FMN1: variants seen among roughly 807,000 people sequenced by gnomAD.
FMN1 encodes the protein formin 1.
In FMN1, 110 loss-of-function variants were observed where a neutral mutation model predicts 132.4. The observed-to-expected ratio is 0.83, with a 90% CI of 0.71 to 0.97. The LOEUF (loss-of-function observed/expected upper bound fraction) is 0.97, where lower values mean the gene tolerates loss of function less well. Among genes scored for constraint, FMN1 ranks in the 50% least tolerant of loss-of-function variants. The pLI, the probability that FMN1 is intolerant of heterozygous loss-of-function variation, is 0.00. For missense variants in FMN1, 1,792 were observed against 1,705.3 expected (o/e 1.05, Z -0.90); for synonymous variants, 722 against 651.7 (o/e 1.11, Z -1.64).
intron 9 of FMN1, among the ~76,000 whole-genome samples, chr15:32,926,903 G>A (rs534118609): frequency 4.3e-4 from 65 of 152,240 alleles, no homozygotes; most frequent in Non-Finnish European, 6.9e-4. Context: ...TCCTGCCTCA[G>A]CCTTCAGAGT....
chr15:33,112,470 A>G (rs957849837), intron 4 of FMN1, among the ~76,000 whole-genome samples: 5 of 152,184 alleles, frequency 3.3e-5, no homozygotes, highest in African/African-American at 9.7e-5. Context: ...ACAAGTACTA[A>G]GCACAACTAT....
At chr15:32,857,653 T>C (rs2059167055) in intron 16 of FMN1, among the ~76,000 whole-genome samples, 1 of 152,202 alleles carries the variant, frequency 6.6e-6, no homozygotes, top group Non-Finnish European at 1.5e-5. Flanking sequence ...TGCTTCCCGT[T>C]CACCTACCCT....
At chr15:32,892,679 A>G (rs2141529069) in intron 15 of FMN1, among the ~76,000 whole-genome samples, 1 of 152,184 alleles carries the variant, frequency 6.6e-6, no homozygotes, top group East Asian at 1.9e-4. Context: ...CTGTAAATCC[A>G]TCTGGTCCTG....
At chr15:32,821,357 T>C (rs2058211454) in intron 17 of FMN1, among the ~76,000 whole-genome samples, 1 of 152,106 alleles carries the variant, frequency 6.6e-6, no homozygotes, top group African/African-American at 2.4e-5. Flanking sequence ...TTCCTAACTT[T>C]TGTTGGATTC....
chr15:33,163,148 C>A (rs969236747), intron 3 of FMN1, among the ~76,000 whole-genome samples: 1 of 152,014 alleles, frequency 6.6e-6, no homozygotes, highest in African/African-American at 2.4e-5. Context: ...ATGTTACAGA[C>A]AGTTTTAGGT....
Position 33,032,733 on chromosome 15 carries a change from G to C in FMN1, c.2162-24658C>G, listed in dbSNP as rs146465943. On this transcript the variant is annotated intron_variant, in intron 6 of 20. Transcript: ENST00000616417. ...TTACAGACAGATCATGACTACTGTA[G>C]ATGGAGTCACAGAGCTGACGCAGTA... 8.7e-3 allele frequency among the ~76,000 whole-genome samples: 1,330 copies of C among 152,274 alleles called. 22 individuals are homozygous for C. Among genetic ancestry groups the C allele is most frequent in the African/African-American group, 0.029 (1,194 of 41,536 alleles).
At chr15:32,894,805 T>A (rs1401862595) in intron 15 of FMN1, among the ~76,000 whole-genome samples, 2 of 151,252 alleles carry the variant, frequency 1.3e-5, no homozygotes, top group Non-Finnish European at 2.9e-5. Context: ...ACGCTTACAA[T>A]CCTAATATTC....
chr15:33,026,410 T>A lies in FMN1; in HGVS notation c.2162-18335A>T, dbSNP rs935278130. The stretch of plus-strand genomic sequence containing the variant: ...AACATTAGAGGATACGTCCAAATTT[T>A]CACACACACACACACACACACACAC... On this transcript the variant is annotated intron_variant, in intron 6 of 20. Transcript: ENST00000616417. Among the ~76,000 whole-genome samples, 337 of 140,214 alleles carry A rather than the reference T, an allele frequency of 2.4e-3. 1 individual carries two copies. The highest frequency in any genetic ancestry group is 7.5e-3 in the African/African-American group (288 of 38,148). 92.0% of individuals were successfully genotyped at this position (140,214 alleles called of 152,430 possible).
rs181282196 is a variant in FMN1, at chr15:33,194,408, G to A, written c.-349+170C>T. Among the ~76,000 whole-genome samples, 66 of 151,924 alleles carry A rather than the reference G, an allele frequency of 4.3e-4. 1 individual carries two copies. In the East Asian group the frequency reaches 7.2e-3, roughly 17 times the overall value. On this transcript the variant is annotated intron_variant, in intron 1 of 20. Coordinates refer to ENST00000616417, the MANE Select transcript of FMN1 (RefSeq NM_001277313.2). ...CGTACTTGGGAGCAGCTTGGTGGGG[G>A]AGCTGGAGGAACCGACACAGAAGGG...
chr15:33,156,273 GTTTTTTTTTTT>G (rs59517614), intron 3 of FMN1, among the ~76,000 whole-genome samples: 1 of 87,248 alleles, frequency 1.1e-5, no homozygotes, highest in Non-Finnish European at 2.2e-5. Context: ...CACTCAAGTA[GTTTTTTTTTTT>G]TTTTTTTTTT....
At chr15:32,810,558 TATAA>T in intron 17 of FMN1, among the ~76,000 whole-genome samples, 1 of 152,330 alleles carries the variant, frequency 6.6e-6, no homozygotes, top group East Asian at 1.9e-4. Flanking sequence ...AGAAAGTTTT[TATAA>T]ATAAAATGAT....
At chr15:32,790,701 G>C (rs1289853902) in intron 19 of FMN1, among the ~76,000 whole-genome samples, 1 of 152,112 alleles carries the variant, frequency 6.6e-6, no homozygotes, top group East Asian at 1.9e-4. Flanking sequence ...TCTTCTCAAA[G>C]CTCCCTGTAG....
chr15:33,118,663 A>G (rs1411359018), intron 4 of FMN1, among the ~76,000 whole-genome samples: 5 of 152,184 alleles, frequency 3.3e-5, no homozygotes, highest in Non-Finnish European at 5.9e-5. Context: ...CATATTAAAT[A>G]TTAAATACAA....
intron 7 of FMN1, among the ~76,000 whole-genome samples, chr15:32,976,057 TG>T (rs2032176693): frequency 6.6e-6 from 1 of 152,126 alleles, no homozygotes; most frequent in South Asian, 2.1e-4. Context: ...CCAAGCACTG[TG>T]GAAAAATCAT....
chr15:33,006,888 G>A lies in FMN1; in HGVS notation c.2223+1126C>T, dbSNP rs1251421647. ...TGGTGGTTACCAGGGGCTAGGGGCA[G>A]AGAGGGGTGAAAAGTGGGGAAGGAT... On this transcript the variant is annotated intron_variant, in intron 7 of 20. Coordinates refer to ENST00000616417, the MANE Select transcript of FMN1 (RefSeq NM_001277313.2). 2.0e-5 allele frequency among the ~76,000 whole-genome samples: 3 copies of A among 152,222 alleles called. No homozygotes were observed. In the East Asian group the frequency reaches 5.8e-4, roughly 29 times the overall value.
Position 32,886,344 on chromosome 15 carries a change from C to T in FMN1, c.3835+1828G>A, listed in dbSNP as rs563374087. Among the ~76,000 whole-genome samples the T allele has an allele frequency of 1.6e-4, 24 of 152,254 alleles. 1 individual carries two copies. In the South Asian group the frequency reaches 4.4e-3, roughly 28 times the overall value. Reference sequence around the variant, plus strand: ...GTACAAAGAAGAAAAGTAACTGAGACAATGTTCAGTTTTCTTTCCTAAGGC... The same window carrying T: ...GTACAAAGAAGAAAAGTAACTGAGATAATGTTCAGTTTTCTTTCCTAAGGC... On this transcript the variant is annotated intron_variant, in intron 16 of 20. Transcript: ENST00000616417.
chr15:32,982,260 A>C (rs1011540425), intron 7 of FMN1, among the ~76,000 whole-genome samples: 3 of 152,226 alleles, frequency 2.0e-5, no homozygotes, highest in Admixed American at 1.3e-4. Flanking sequence ...GACCAACCTG[A>C]CAATACCAAA....
intron 3 of FMN1, among the ~76,000 whole-genome samples, chr15:33,159,087 CA>C (rs1416873963): frequency 1.3e-5 from 2 of 152,148 alleles, no homozygotes; most frequent in Non-Finnish European, 2.9e-5. Flanking sequence ...GTGGCTAAGG[CA>C]TAAGAATTGC....
chr15:32,945,725 G>A (rs945497866), intron 9 of FMN1, among the ~76,000 whole-genome samples: 2 of 151,936 alleles, frequency 1.3e-5, no homozygotes, highest in Non-Finnish European at 2.9e-5. Context: ...GGGTATCCAC[G>A]ATGCAAATTA....
Sources: gnomAD v4.1 joint callset for allele counts (sites outside exome capture counted in the v4.1 genomes callset) on GRCh38, gnomAD v4.1.1 for gene constraint, MANE v1.5 for transcripts, NCBI Gene and HGNC (gene_info 2026-07-23, HGNC 2026-07-21) for gene names.